The following TPP2 variants were observed in gnomAD, a reference collection of about 807,000 sequenced individuals.
TPP2 encodes tripeptidyl peptidase 2, also known as tripeptidyl-peptidase 2.
A neutral mutation model predicts 155.9 loss-of-function variants in TPP2; 34 were observed. The observed-to-expected ratio is 0.22, with a 90% CI of 0.17 to 0.29. The LOEUF is 0.29. Ranked by LOEUF, TPP2 falls within the 10% of genes least tolerant of loss-of-function variation. The pLI, the probability that TPP2 is intolerant of heterozygous loss-of-function variation, is 1.00. For synonymous variants in TPP2, 510 were observed against 529.4 expected (o/e 0.96, Z 0.50); for missense variants, 1,028 against 1,522.3 (o/e 0.68, Z 5.40).
intron 21 of TPP2, 32 bp downstream of exon 21, chr13:102,647,376 C>A: frequency 1.9e-6 from 3 of 1,597,950 alleles, no homozygotes; most frequent in Admixed American, 1.7e-5. Context: ...TTAGAATTAA[C>A]GGAAGCTGTT....
In TPP2 at chr13:102,613,412, C is replaced by T. The variant is rs74548053; in HGVS notation, c.295-689C>T. ...ATTTAAAAGCTGGTTTTGATGACCACGGTTCCATGATTGCAAAGAATATGA... is the reference window on the plus strand; with the variant it reads ...ATTTAAAAGCTGGTTTTGATGACCATGGTTCCATGATTGCAAAGAATATGA... On this transcript the variant is annotated intron_variant, in intron 2 of 29. Transcript: ENST00000376052. 1.4e-4 allele frequency among the ~76,000 whole-genome samples: 22 copies of T among 152,274 alleles called. No homozygotes were observed. In the East Asian group the frequency reaches 4.2e-3, roughly 29 times the overall value.
chr13:102,614,822 G>A (rs996024125), intron 3 of TPP2, among the ~76,000 whole-genome samples: 5 of 152,158 alleles, frequency 3.3e-5, no homozygotes, highest in South Asian at 2.1e-4. Context: ...AACCATTATG[G>A]TAGTCACTAG....
intron 4 of TPP2, among the ~76,000 whole-genome samples, chr13:102,617,883 A>AC (rs1234377459): frequency 1.3e-5 from 2 of 152,238 alleles, no homozygotes; most frequent in African/African-American, 4.8e-5. Flanking sequence ...AGCTTCATTT[A>AC]CACAACTTTG....
rs373447015 is a variant in TPP2, at chr13:102,614,203, T to G, written c.390+7T>G. The G allele has an allele frequency of 4.5e-5, 71 of 1,588,686 alleles. No individual in the cohort carries two copies. The highest frequency in any genetic ancestry group is 5.8e-5 in the Non-Finnish European group (67 of 1,163,096). On this transcript the variant is annotated splice_region_variant and intron_variant, in intron 3 of 29. Transcript: ENST00000376052. The stretch of plus-strand genomic sequence containing the variant: ...ACTCAAGGAAAGGATACAGGTAATG[T>G]ACAATCTGGTACCAATGAGTTGTAT...
At chr13:102,626,945 AAATTG>A (rs1397976778) in intron 6 of TPP2, 62 bp from the exon 7 acceptor site, 9 of 1,406,030 alleles carry the variant, frequency 6.4e-6, no homozygotes, top group Non-Finnish European at 7.5e-6. Context: ...AATAATATGC[AAATTG>A]AATTGAATAA....
intron 5 of TPP2, among the ~76,000 whole-genome samples, chr13:102,620,632 G>C (rs992543928): frequency 3.3e-5 from 5 of 152,056 alleles, no homozygotes; most frequent in African/African-American, 9.7e-5. Flanking sequence ...GTTTGATGAC[G>C]AATGTCCAGT....
chr13:102,636,092 A>T, intron 12 of TPP2, 132 bp from the exon 13 acceptor site: 1 of 788,102 alleles, frequency 1.3e-6, no homozygotes, highest in Non-Finnish European at 2.0e-6. Context: ...TTGGGGTACT[A>T]GGTAGTTTTG....
chr13:102,647,068 C>A, intron 20 of TPP2, 139 bp from the exon 21 acceptor site: 1 of 1,061,974 alleles, frequency 9.4e-7, no homozygotes, highest in Non-Finnish European at 1.3e-6. Flanking sequence ...ACTGTGTGTT[C>A]TATATTTTCA....
chr13:102,654,810 A>C (rs1046668167), intron 24 of TPP2: 1 of 383,898 alleles, frequency 2.6e-6, no homozygotes, highest in African/African-American at 2.1e-5. Context: ...TGTACAGATG[A>C]CACTGATGCA....
At chr13:102,644,165 C>G (rs1882948365) in intron 17 of TPP2, among the ~76,000 whole-genome samples, 1 of 152,016 alleles carries the variant, frequency 6.6e-6, no homozygotes, top group Admixed American at 6.6e-5. Flanking sequence ...AGCCCAAACT[C>G]AATTGTGCCT....
At chr13:102,615,241 T>C (rs1165616028) in intron 3 of TPP2, among the ~76,000 whole-genome samples, 2 of 152,204 alleles carry the variant, frequency 1.3e-5, no homozygotes, top group Non-Finnish European at 2.9e-5. Context: ...TGATCACAGC[T>C]AATTACTGCC....
Position 102,663,648 on chromosome 13 carries a change from G to A in TPP2, c.3144G>A (p.Lys1048=), listed in dbSNP as rs181561526. ...ATTTCTCTCCTTCTTACATACATAGGCTGGATTCTAGTGACATTTATAACG... is the reference window on the plus strand; with the variant it reads ...ATTTCTCTCCTTCTTACATACATAGACTGGATTCTAGTGACATTTATAACG... The part of the protein sequence containing the change: ...LRDLKIQWMT[K]LDSSDIYNEL... Residue 1048 remains lysine, a splice_region_variant and synonymous_variant, in exon 26 of 30, where the codon AAG becomes AAA. Transcript: ENST00000376052. 3 of 1,593,694 alleles carry A rather than the reference G, an allele frequency of 1.9e-6. No individual in the cohort carries two copies. Among genetic ancestry groups the A allele is most frequent in the Admixed American group, 3.5e-5 (2 of 56,512 alleles).
At chr13:102,657,288 A>AGAC in intron 25 of TPP2, 81 bp downstream of exon 25, 1 of 1,177,554 alleles carries the variant, frequency 8.5e-7, no homozygotes, top group East Asian at 3.0e-5. Flanking sequence ...ATATATACAT[A>AGAC]GACCGTATTT....
chr13:102,657,185 C>T lies in TPP2; in HGVS notation c.3121C>T (p.Leu1041Phe). 6.3e-7 allele frequency: 1 copy of T among 1,577,342 alleles called. No homozygotes were observed. The highest frequency in any genetic ancestry group is 8.5e-7 in the Non-Finnish European group (1 of 1,170,328). ...AGAGTTTACTGAAGCATTACGAGATCTTAAAATTCAGTGGATGACAAAGTA... is the reference window on the plus strand; with the variant it reads ...AGAGTTTACTGAAGCATTACGAGATTTTAAAATTCAGTGGATGACAAAGTA... ...KEEFTEALRD[L>F]KIQWMTKLDS... The change falls in exon 25 of 30, where the codon CTT (leucine) becomes TTT (phenylalanine). Residue 1041 changes from leucine to phenylalanine, a missense_variant. Leu to Phe is a conservative substitution (Grantham distance 22). Around this residue, in one of 7 missense-constraint regions of TPP2, gnomAD observed 179 missense variants for 274.7 expected, o/e 0.65. Coordinates refer to ENST00000376052, the MANE Select transcript of TPP2 (RefSeq NM_001330588.2).
At chr13:102,615,513 T>C (rs548599574) in intron 3 of TPP2, among the ~76,000 whole-genome samples, 2 of 152,316 alleles carry the variant, frequency 1.3e-5, no homozygotes, top group Admixed American at 1.3e-4. Context: ...TATGCAAATA[T>C]AGTGTTGTTG....
At chr13:102,612,424 A>G (rs1595139552) in intron 2 of TPP2, among the ~76,000 whole-genome samples, 1 of 152,368 alleles carries the variant, frequency 6.6e-6, no homozygotes, top group Non-Finnish European at 1.5e-5. Flanking sequence ...TCATATGACA[A>G]TCAGTCTTAA....
At chr13:102,674,613 T>A in intron 28 of TPP2, 123 bp downstream of exon 28, 1 of 940,100 alleles carries the variant, frequency 1.1e-6, no homozygotes, top group Non-Finnish European at 1.6e-6. Flanking sequence ...GGGCTCTGAA[T>A]ATGACATGTT....
intron 16 of TPP2, among the ~76,000 whole-genome samples, chr13:102,642,978 G>A (rs1882866380): frequency 6.6e-6 from 1 of 152,096 alleles, no homozygotes; most frequent in African/African-American, 2.4e-5. Context: ...GCCTCATGGT[G>A]GTGGTTCATT....
At chr13:102,622,382 C>T in intron 5 of TPP2, among the ~76,000 whole-genome samples, 1 of 152,110 alleles carries the variant, frequency 6.6e-6, no homozygotes. Context: ...AGGAAGACAA[C>T]CATAAAGTAA....
Sources: allele counts gnomAD v4.1 joint callset (sites outside exome capture counted in the v4.1 genomes callset), GRCh38; gene constraint gnomAD v4.1.1; regional missense constraint gnomAD v4.1.1; transcripts MANE v1.5; gene names NCBI Gene and HGNC (gene_info 2026-07-23, HGNC 2026-07-21).